The following REXO5 variants were observed in gnomAD, a reference collection of about 807,000 sequenced individuals.
REXO5 encodes exonuclease NEF-sp.
In REXO5, 48 loss-of-function variants were observed where a neutral mutation model predicts 88.5. The ratio of observed to expected loss-of-function variants is 0.54; its 90% confidence interval spans 0.43 to 0.69. The LOEUF (loss-of-function observed/expected upper bound fraction) is 0.69. Ranked by LOEUF, REXO5 falls within the 30% of genes least tolerant of loss-of-function variation. REXO5 has a pLI of 0.00. For missense variants in REXO5, 749 were observed against 912.2 expected (o/e 0.82, Z 2.30); for synonymous variants, 311 against 336.5 (o/e 0.92, Z 0.83).
chr16:20,848,340 A>G (rs1005268421), intron 19 of REXO5, among the ~76,000 whole-genome samples: 2 of 152,216 alleles, frequency 1.3e-5, no homozygotes, highest in Admixed American at 6.5e-5. Flanking sequence ...TCTTAAATTA[A>G]TATTGAAAAC....
intron 2 of REXO5, 104 bp downstream of exon 2, chr16:20,807,195 C>T (rs2152497639): frequency 7.5e-6 from 10 of 1,334,546 alleles, no homozygotes; most frequent in African/African-American, 4.4e-5. Context: ...GCTCTCCGCC[C>T]TGGCCTCTCC....
chr16:20,844,765 C>T lies in REXO5; in HGVS notation c.1856C>T (p.Pro619Leu). ...TTCAAAGAACAGCTATTGCAGGAGC[C>T]CCGCCTCTTTCTTGGCCTGGAAGCT... The part of the protein sequence containing the change: ...ETFKEQLLQE[P>L]RLFLGLEAVI... Residue 619 changes from proline (P) to leucine (L), a missense_variant, in exon 17 of 20, where the codon CCC becomes CTC. Pro to Leu is a moderately conservative substitution (Grantham distance 98, BLOSUM62 -3). Transcript: ENST00000261377. 1 of 1,614,134 alleles carries T rather than the reference C, an allele frequency of 6.2e-7. No individual in the cohort carries two copies. Among genetic ancestry groups the T allele is most frequent in the Non-Finnish European group, 8.5e-7 (1 of 1,180,018 alleles).
In REXO5 at chr16:20,844,631, G is replaced by A. The variant is rs2081579132; in HGVS notation, c.1722G>A (p.Val574=). 1.2e-6 allele frequency: 2 copies of A among 1,614,078 alleles called. No homozygotes were observed. The highest frequency in any genetic ancestry group is 1.7e-6 in the Non-Finnish European group (2 of 1,179,996). ...TAACACCAACTTTCCTTGGTTAGGT[G>A]CAGAGGCCTGTGACAGAGCTCACGC... ...GILVDGICIK[V]QRPVTELTLD... is the part of the protein sequence containing the mutation. The change falls in exon 17 of 20, where the codon GTG becomes GTA. Residue 574 remains valine, a splice_region_variant and synonymous_variant. Coordinates refer to ENST00000261377, the MANE Select transcript of REXO5 (RefSeq NM_030941.3).
At chr16:20,826,196 A>G (rs2081257630) in intron 8 of REXO5, among the ~76,000 whole-genome samples, 3 of 152,156 alleles carry the variant, frequency 2.0e-5, no homozygotes, top group Non-Finnish European at 2.9e-5. Flanking sequence ...CTTGTTCCAG[A>G]ATCTCCCAAT....
At chr16:20,810,697 A>G (rs1022737042) in intron 2 of REXO5, among the ~76,000 whole-genome samples, 3 of 152,048 alleles carry the variant, frequency 2.0e-5, no homozygotes, top group Admixed American at 6.6e-5. Flanking sequence ...CGCCCAGTCC[A>G]TTTTCATATT....
chr16:20,833,812 T>C (rs1470929157), intron 13 of REXO5, among the ~76,000 whole-genome samples: 1 of 152,222 alleles, frequency 6.6e-6, no homozygotes, highest in Non-Finnish European at 1.5e-5. Context: ...AAAAATATTA[T>C]TTTATATAAC....
chr16:20,813,316 T>A lies in REXO5; in HGVS notation c.251+14T>A. On this transcript the variant is annotated intron_variant, in intron 3 of 19. Coordinates refer to ENST00000261377, the MANE Select transcript of REXO5 (RefSeq NM_030941.3). The stretch of plus-strand genomic sequence containing the variant: ...TCCAAAACCCAGGTATGAGATGAAT[T>A]TAAATGGTGGGTATTGACCAGCGGT... 1.4e-6 allele frequency: 2 copies of A among 1,476,162 alleles called. No homozygotes were observed. The highest frequency in any genetic ancestry group is 1.9e-6 in the Non-Finnish European group (2 of 1,055,790). 91.4% of individuals were successfully genotyped at this position (1,476,162 alleles called of 1,614,324 possible).
chr16:20,828,482 A>T lies in REXO5; in HGVS notation c.1103A>T (p.Asp368Val), dbSNP rs771153071. The change falls in exon 11 of 20, where the codon GAT becomes GTT. Residue 368 changes from aspartate to valine, a missense_variant. By Grantham distance (152) the Asp-to-Val change is radical. Coordinates refer to ENST00000261377, the MANE Select transcript of REXO5 (RefSeq NM_030941.3). Reference sequence around the variant, plus strand: ...AGACTTGGTCATGATGCCACAGAAGATGCTAGAACAATCCTTGAATTGGCT... The same window carrying T: ...AGACTTGGTCATGATGCCACAGAAGTTGCTAGAACAATCCTTGAATTGGCT... ...PDRLGHDATE[D>V]ARTILELARY... is the part of the protein sequence containing the mutation. 2.5e-6 allele frequency: 4 copies of T among 1,613,926 alleles called. No homozygotes were observed.
chr16:20,806,730 G>T (rs953086976), intron 1 of REXO5, 25 bp downstream of exon 1: 3 of 1,000,022 alleles, frequency 3.0e-6, no homozygotes, highest in African/African-American at 3.3e-5. Context: ...CGGTAAAGCC[G>T]TTTGGGTTAG....
chr16:20,808,365 C>T (rs962072428), intron 2 of REXO5, among the ~76,000 whole-genome samples: 7 of 152,146 alleles, frequency 4.6e-5, no homozygotes, highest in African/African-American at 1.7e-4. Context: ...GGTCTCTGCT[C>T]TGCTGGACTC....
chr16:20,834,250 G>A (rs1005663981), intron 13 of REXO5, among the ~76,000 whole-genome samples: 2 of 152,182 alleles, frequency 1.3e-5, no homozygotes, highest in African/African-American at 4.8e-5. Context: ...CCTGGTCAAG[G>A]TGTTGTCTGC....
At chr16:20,827,715 A>G (rs2081280524) in intron 10 of REXO5, among the ~76,000 whole-genome samples, 1 of 152,354 alleles carries the variant, frequency 6.6e-6, no homozygotes, top group African/African-American at 2.4e-5. Context: ...ATGCCTATAC[A>G]AGGTAGTATA....
intron 2 of REXO5, among the ~76,000 whole-genome samples, chr16:20,812,073 G>GA (rs1460267777): frequency 3.9e-5 from 6 of 152,174 alleles, no homozygotes; most frequent in Admixed American, 1.3e-4. Context: ...AGACCAAAAC[G>GA]AAAGTGGTGA....
At chr16:20,807,276 C>T in intron 2 of REXO5, 185 bp downstream of exon 2, 1 of 700,408 alleles carries the variant, frequency 1.4e-6, no homozygotes, top group Non-Finnish European at 2.3e-6. Flanking sequence ...CTGTCATTGG[C>T]TGTCACTGGG....
intron 11 of REXO5, among the ~76,000 whole-genome samples, chr16:20,829,966 C>A (rs540692703): frequency 5.2e-4 from 79 of 152,246 alleles, no homozygotes; most frequent in African/African-American, 1.7e-3. Context: ...CAAGAGCAGC[C>A]ATAGACATTA....
At chr16:20,815,123 G>A in intron 4 of REXO5, 70 bp downstream of exon 4, 2 of 1,510,510 alleles carry the variant, frequency 1.3e-6, no homozygotes, top group Non-Finnish European at 1.8e-6. Flanking sequence ...CATGTGTCAG[G>A]GACCATGCTC....
rs1244246751 is a variant in REXO5 at position 20,825,904 on chromosome 16, T to A, written c.777T>A (p.Asp259Glu). 6.2e-7 allele frequency: 1 copy of A among 1,614,042 alleles called. No individual in the cohort carries two copies. The highest frequency in any genetic ancestry group is 8.5e-7 in the Non-Finnish European group (1 of 1,179,982). ...CTGAAGGAGGCTGCTGTGTTATGGA[T>A]GAACTGGTCAAACCTGAAAACAAGA... ...LVAEGGCCVM[D>E]ELVKPENKIL... Residue 259 changes from aspartate to glutamate, a missense_variant, in exon 8 of 20, where the codon GAT becomes GAA. Asp to Glu is a conservative substitution (Grantham distance 45). Transcript: ENST00000261377.
chr16:20,817,064 G>C (rs2081091927), intron 5 of REXO5, among the ~76,000 whole-genome samples: 1 of 152,202 alleles, frequency 6.6e-6, no homozygotes, highest in African/African-American at 2.4e-5. Context: ...AGAGTTAGTT[G>C]CATATAGTAA....
intron 13 of REXO5, among the ~76,000 whole-genome samples, chr16:20,838,749 G>A (rs764272337): frequency 2.0e-5 from 3 of 152,082 alleles, no homozygotes; most frequent in Non-Finnish European, 2.9e-5. Context: ...TCAGCCTTCC[G>A]AGTCACGCAA....
Sources: allele counts gnomAD v4.1 joint callset (sites outside exome capture counted in the v4.1 genomes callset), GRCh38; gene constraint gnomAD v4.1.1; transcripts MANE v1.5; gene names NCBI Gene and HGNC (gene_info 2026-07-23, HGNC 2026-07-21).